Variants in HMGA2 observed in about 807,000 individuals in gnomAD.
HMGA2 encodes high mobility group protein HMGI-C.
In HMGA2, 8 loss-of-function variants were observed where a neutral mutation model predicts 19.1. The ratio of observed to expected loss-of-function variants is 0.42; its 90% confidence interval spans 0.25 to 0.76. The LOEUF is 0.76. HMGA2 is among the 30% of genes least tolerant of loss of function. HMGA2 has a pLI of 0.28. For missense variants in HMGA2, 109 were observed against 136.3 expected (o/e 0.80, Z 1.00); for synonymous variants, 60 against 48.8 (o/e 1.23, Z -0.96).
chr12:65,831,162 C>T (rs1167710129), intron 2 of HMGA2: 2 of 151,752 alleles, frequency 1.3e-5, no homozygotes, highest in Admixed American at 6.6e-5. Context: ...GTCTTAACTT[C>T]CTTTTTTGTT....
chr12:65,921,837 G>A (rs1396743707), intron 3 of HMGA2, among the ~76,000 whole-genome samples: 1 of 152,190 alleles, frequency 6.6e-6, no homozygotes, highest in African/African-American at 2.4e-5. Context: ...TGCAGCCTAC[G>A]GACTTGGTGC....
intron 3 of HMGA2, among the ~76,000 whole-genome samples, chr12:65,950,661 T>C (rs1876426602): frequency 1.3e-5 from 2 of 152,224 alleles, no homozygotes; most frequent in Admixed American, 1.3e-4. Flanking sequence ...CACAACCCTC[T>C]GAATATACTA....
intron 3 of HMGA2, among the ~76,000 whole-genome samples, chr12:65,890,015 A>G (rs566312863): frequency 7.2e-5 from 11 of 152,318 alleles, no homozygotes; most frequent in African/African-American, 2.6e-4. Flanking sequence ...TAATTGCTAC[A>G]AAATGGTCCT....
intron 2 of HMGA2, 79 bp downstream of exon 2, chr12:65,828,166 A>G: frequency 9.7e-7 from 1 of 1,034,368 alleles, no homozygotes; most frequent in Non-Finnish European, 1.5e-6. Flanking sequence ...TCCCATTCTA[A>G]CTCCGCAGCC....
rs371071295 is a variant in HMGA2 at position 65,842,763 on chromosome 12, T to C, written c.249+4194T>C. 2.3e-4 allele frequency: 319 copies of C among 1,373,096 alleles called. 3 individuals carry two copies. In the African/African-American group the frequency reaches 3.7e-3, roughly 16 times the overall value. 85.1% of individuals were successfully genotyped at this position (1,373,096 alleles called of 1,614,324 possible). ...GAATTCCATTAGCCAGTCCTGCCAA[T>C]TGAAATTTGGCATTTAATTATTTGC... On this transcript the variant is annotated intron_variant, in intron 3 of 4. Coordinates refer to ENST00000403681, the MANE Select transcript of HMGA2 (RefSeq NM_003483.6).
chr12:65,825,796 C>A lies in HMGA2; in HGVS notation c.111+415C>A, dbSNP rs1165734277. Among the ~76,000 whole-genome samples the A allele has an allele frequency of 6.6e-6, 1 of 152,062 alleles. No individual in the cohort carries two copies. Among genetic ancestry groups the A allele is most frequent in the Non-Finnish European group, 1.5e-5 (1 of 67,978 alleles). Reference sequence around the variant, plus strand: ...GGAGGTGCCGGGGACCCGGGCGCTTCGGCCGATCTGGGCTGAAGGGGCTAG... The same window carrying A: ...GGAGGTGCCGGGGACCCGGGCGCTTAGGCCGATCTGGGCTGAAGGGGCTAG... On this transcript the variant is annotated intron_variant, in intron 1 of 4. Transcript: ENST00000403681. This position sits in a 1 kb window ranked among gnomAD's most constrained non-coding sequence, Gnocchi z 4.4.
At chr12:65,948,091 G>C (rs1876329108) in intron 3 of HMGA2, among the ~76,000 whole-genome samples, 1 of 152,110 alleles carries the variant, frequency 6.6e-6, no homozygotes, top group Non-Finnish European at 1.5e-5. Context: ...AAAGATCTCA[G>C]ACGATTATTT....
chr12:65,854,774 G>A (rs1226743655), intron 3 of HMGA2, among the ~76,000 whole-genome samples: 1 of 152,146 alleles, frequency 6.6e-6, no homozygotes, highest in Non-Finnish European at 1.5e-5. Flanking sequence ...GGAGTTTGTG[G>A]CACATCCCAT....
intron 3 of HMGA2, among the ~76,000 whole-genome samples, chr12:65,922,730 T>G (rs923764986): frequency 5.9e-5 from 9 of 152,148 alleles, no homozygotes; most frequent in African/African-American, 2.2e-4. Context: ...TTTGGCTGTG[T>G]CCCCACCCAA....
chr12:65,837,559 A>G (rs1250590736), intron 2 of HMGA2, among the ~76,000 whole-genome samples: 1 of 152,208 alleles, frequency 6.6e-6, no homozygotes, highest in Admixed American at 6.5e-5. Context: ...TATACATGAA[A>G]CAATATGTAC....
chr12:65,959,871 C>T (rs1876702225), intron 4 of HMGA2, among the ~76,000 whole-genome samples: 1 of 152,058 alleles, frequency 6.6e-6, no homozygotes, highest in African/African-American at 2.4e-5. Flanking sequence ...CTATAACACA[C>T]GGCCATGTCT....
intron 3 of HMGA2, among the ~76,000 whole-genome samples, chr12:65,887,372 G>A (rs1253738964): frequency 3.3e-5 from 5 of 152,168 alleles, no homozygotes; most frequent in African/African-American, 1.2e-4. Flanking sequence ...TCGATCACCT[G>A]AGGTCAGGAG....
intron 3 of HMGA2, among the ~76,000 whole-genome samples, chr12:65,854,271 T>C (rs1381565701): frequency 6.6e-6 from 1 of 152,228 alleles, no homozygotes; most frequent in Non-Finnish European, 1.5e-5. Flanking sequence ...ATTTATGTTT[T>C]TCAAAATAAA....
At chr12:65,861,095 T>G (rs1009881982) in intron 3 of HMGA2, among the ~76,000 whole-genome samples, 2 of 152,168 alleles carry the variant, frequency 1.3e-5, no homozygotes, top group Admixed American at 6.5e-5. Flanking sequence ...AGGCCAGGTG[T>G]GGTGGCTCAT....
intron 3 of HMGA2, among the ~76,000 whole-genome samples, chr12:65,917,553 G>A (rs961490493): frequency 5.3e-5 from 8 of 152,136 alleles, no homozygotes; most frequent in African/African-American, 1.4e-4. Flanking sequence ...AAACATGGGC[G>A]TTTTCATAAA....
At chr12:65,923,536 C>T (rs1875395864) in intron 3 of HMGA2, among the ~76,000 whole-genome samples, 1 of 152,164 alleles carries the variant, frequency 6.6e-6, no homozygotes, top group Admixed American at 6.5e-5. Context: ...ACCAGTCCAA[C>T]AAAATATATT....
intron 3 of HMGA2, among the ~76,000 whole-genome samples, chr12:65,855,132 A>G (rs1289275353): frequency 6.6e-6 from 1 of 152,210 alleles, no homozygotes. Flanking sequence ...CCTTTGGGAT[A>G]TATTGAAACA....
intron 3 of HMGA2, among the ~76,000 whole-genome samples, chr12:65,901,751 T>G (rs1272156114): frequency 6.6e-6 from 1 of 152,188 alleles, no homozygotes; most frequent in Non-Finnish European, 1.5e-5. Flanking sequence ...AAACATTTAC[T>G]AGATAATGGA....
In HMGA2 at chr12:65,964,836, G is replaced by C. The variant is rs543886862; in HGVS notation, c.*1544G>C. On this transcript the variant is annotated 3_prime_UTR_variant, in exon 5 of 5. Coordinates refer to ENST00000403681, the MANE Select transcript of HMGA2 (RefSeq NM_003483.6). ...AACCAAGTCGCTCCTAGGTTCTTAA[G>C]GATAATTTTCCTCAATCACACTACA... 19 of 193,040 alleles carry C rather than the reference G, an allele frequency of 9.8e-5. No individual in the cohort carries two copies. In the East Asian group the frequency reaches 1.4e-3, roughly 14 times the overall value. 12.0% of individuals were successfully genotyped at this position (193,040 alleles called of 1,614,324 possible).
Sources: gnomAD v4.1 joint callset for allele counts (sites outside exome capture counted in the v4.1 genomes callset) on GRCh38, gnomAD v4.1.1 for gene constraint, Gnocchi (gnomAD v3.1) non-coding constraint, MANE v1.5 for transcripts, NCBI Gene and HGNC (gene_info 2026-07-23, HGNC 2026-07-21) for gene names.